The following LAMC3 variants were observed in gnomAD, a reference collection of about 807,000 sequenced individuals.
LAMC3 encodes laminin subunit gamma 3, also known as laminin subunit gamma-3.
A neutral mutation model predicts 173.8 loss-of-function variants in LAMC3; 128 were observed. That is an observed-to-expected ratio of 0.74 (90% CI 0.64 to 0.85). The LOEUF (loss-of-function observed/expected upper bound fraction) is 0.85. Among genes scored for constraint, LAMC3 ranks in the 40% least tolerant of loss-of-function variants. The probability of loss-of-function intolerance (pLI) is 0.00; values close to 1 mark genes in which losing one functional copy is unlikely to be tolerated. For synonymous variants in LAMC3, 897 were observed against 909.1 expected, an observed-to-expected ratio of 0.99 and a Z score of 0.24; for missense variants, 2,022 against 2,156.0, an observed-to-expected ratio of 0.94 and a Z score of 1.23.
At chr9:131,017,719 C>CAAAAAAA (rs34153382) in intron 1 of LAMC3, among the ~76,000 whole-genome samples, 1 of 35,064 alleles carries the variant, frequency 2.9e-5, no homozygotes, top group Non-Finnish European at 4.9e-5. Flanking sequence ...AAGACTGTCT[C>CAAAAAAA]AAAAAAAAAA....
At position 131,091,878 on chromosome 9, in the gene LAMC3, C is replaced by T. The variant is rs1830434221; in HGVS notation, c.*91C>T. On this transcript the variant is annotated 3_prime_UTR_variant, in exon 28 of 28. Transcript: ENST00000361069. ...TACCCCACAGGTGTGCCCATACAGACATTCCCCGGAGCCGGCTGCTGTGAA... is the reference window on the plus strand; with the variant it reads ...TACCCCACAGGTGTGCCCATACAGATATTCCCCGGAGCCGGCTGCTGTGAA... The T allele has an allele frequency of 6.7e-7, 1 of 1,500,584 alleles. No individual in the cohort carries two copies. The highest frequency in any genetic ancestry group is 9.1e-7 in the Non-Finnish European group (1 of 1,104,950). The allele number at this position is 1,500,584 out of a possible 1,614,324, so 93.0% of individuals were successfully genotyped here. A position where few individuals can be genotyped will look rare whatever the true frequency, so the allele number is the denominator to read the frequency against.
Position 131,092,164 on chromosome 9 carries a change from T to G in LAMC3, c.*377T>G. The G allele has an allele frequency of 3.5e-6, 1 of 283,744 alleles. No individual in the cohort carries two copies. Among genetic ancestry groups the G allele is most frequent in the Non-Finnish European group, 6.8e-6 (1 of 146,570 alleles). 17.6% of individuals were successfully genotyped at this position (283,744 alleles called of 1,614,324 possible). On this transcript the variant is annotated 3_prime_UTR_variant, in exon 28 of 28. Coordinates refer to ENST00000361069, the MANE Select transcript of LAMC3 (RefSeq NM_006059.4). Reference sequence around the variant, plus strand: ...CACACATTACAGTCCACAGCTGTTGTGAGAGCCACCTGTGTGCTGGACACC... The same window carrying G: ...CACACATTACAGTCCACAGCTGTTGGGAGAGCCACCTGTGTGCTGGACACC...
chr9:131,039,468 C>G (rs1274188928), intron 6 of LAMC3, among the ~76,000 whole-genome samples: 1 of 151,970 alleles, frequency 6.6e-6, no homozygotes, highest in African/African-American at 2.4e-5. Context: ...CTCAGCGGAT[C>G]TTGCAGGTGG....
At chr9:131,022,215 AACACACACACAC>A (rs56948132) in intron 1 of LAMC3, among the ~76,000 whole-genome samples, 1 of 144,662 alleles carries the variant, frequency 6.9e-6, no homozygotes, top group Admixed American at 6.9e-5. Flanking sequence ...TGTGGATGAA[AACACACACACAC>A]ACACACACAC....
intron 9 of LAMC3, among the ~76,000 whole-genome samples, chr9:131,050,654 G>C (rs969089616): frequency 5.3e-5 from 8 of 152,040 alleles, no homozygotes; most frequent in Admixed American, 3.3e-4. Context: ...TGTCATCCCA[G>C]CTACTCAGGA....
intron 12 of LAMC3, among the ~76,000 whole-genome samples, chr9:131,059,336 CA>C (rs1436035475): frequency 6.7e-6 from 1 of 148,434 alleles, no homozygotes; most frequent in East Asian, 2.0e-4. Context: ...ACTAAAAATA[CA>C]AAAAATTAGC....
intron 8 of LAMC3, among the ~76,000 whole-genome samples, chr9:131,046,975 C>T (rs888913040): frequency 6.6e-6 from 1 of 152,086 alleles, no homozygotes; most frequent in African/African-American, 2.4e-5. Flanking sequence ...TGTCTGGGTC[C>T]TGGGTCCGGG....
At chr9:131,050,936 C>T (rs1427390253) in intron 9 of LAMC3, among the ~76,000 whole-genome samples, 3 of 152,154 alleles carry the variant, frequency 2.0e-5, no homozygotes, top group East Asian at 1.9e-4. Flanking sequence ...GGGAGCATTG[C>T]GCTCGTGCTG....
At chr9:131,076,116 G>A (rs2133333407) in intron 21 of LAMC3, 151 bp downstream of exon 21, 3 of 813,004 alleles carry the variant, frequency 3.7e-6, no homozygotes, top group South Asian at 1.9e-5. Flanking sequence ...TCCTCGGAGT[G>A]GGGCCACAGG....
At position 131,039,155 on chromosome 9, in the gene LAMC3, A is replaced by G; in HGVS notation, c.1190A>G (p.Asp397Gly). 2.5e-6 allele frequency: 4 copies of G among 1,611,284 alleles called. No homozygotes were observed. The highest frequency in any genetic ancestry group is 3.4e-6 in the Non-Finnish European group (4 of 1,179,986). ...GGCTCCCTACACCTCCAGTGCGATGACACAGGCACCTGCGCCTGCAAGCCC... is the reference window on the plus strand; with the variant it reads ...GGCTCCCTACACCTCCAGTGCGATGGCACAGGCACCTGCGCCTGCAAGCCC... ...SAGSLHLQCD[D>G]TGTCACKPTV... The change falls in exon 6 of 28, where the codon GAC (aspartate) becomes GGC (glycine). Residue 397 changes from aspartate (D) to glycine (G), a missense_variant. By Grantham distance (94) the Asp-to-Gly change is moderately conservative (BLOSUM62 -1). Coordinates refer to ENST00000361069, the MANE Select transcript of LAMC3 (RefSeq NM_006059.4).
At chr9:131,064,169 A>G (rs904573458) in intron 13 of LAMC3, among the ~76,000 whole-genome samples, 1 of 152,056 alleles carries the variant, frequency 6.6e-6, no homozygotes, top group African/African-American at 2.4e-5. Flanking sequence ...CAGCCTCCCA[A>G]AGTGCTGTGA....
At chr9:131,013,506 C>A (rs1446225043) in intron 1 of LAMC3, among the ~76,000 whole-genome samples, 12 of 152,230 alleles carry the variant, frequency 7.9e-5, no homozygotes, top group Admixed American at 7.9e-4. Context: ...GGTCACCCAG[C>A]CTTGGCTCAC....
In LAMC3 at chr9:131,018,722, C is replaced by G. The variant is rs1249837189; in HGVS notation, c.374-7563C>G. On this transcript the variant is annotated intron_variant, in intron 1 of 27. Transcript: ENST00000361069. ...TCCCATGCACCCCTGCTCATCCCAC[C>G]CGCTTACTGGACCACATGCCCCAAA... is the stretch of plus-strand genomic sequence containing the variant. Among the ~76,000 whole-genome samples, 6 of 152,164 alleles carry G rather than the reference C, an allele frequency of 3.9e-5. No individual in the cohort carries two copies. In the South Asian group the frequency reaches 1.0e-3, roughly 26 times the overall value.
intron 7 of LAMC3, among the ~76,000 whole-genome samples, chr9:131,043,210 A>G (rs1834088460): frequency 6.6e-6 from 1 of 152,220 alleles, no homozygotes; most frequent in African/African-American, 2.4e-5. Flanking sequence ...GGGCTCTCCC[A>G]AGGCCAGGAA....
chr9:131,060,104 C>T (rs1396308282), intron 12 of LAMC3, among the ~76,000 whole-genome samples: 2 of 152,156 alleles, frequency 1.3e-5, no homozygotes, highest in East Asian at 1.9e-4. Flanking sequence ...CAGAATCCAC[C>T]GTCATCAGGA....
intron 2 of LAMC3, among the ~76,000 whole-genome samples, chr9:131,031,111 G>A: frequency 6.6e-6 from 1 of 152,278 alleles, no homozygotes; most frequent in Non-Finnish European, 1.5e-5. Flanking sequence ...AGCTCTCGGG[G>A]AGCAGGAGGG....
intron 13 of LAMC3, among the ~76,000 whole-genome samples, chr9:131,063,978 G>A (rs1196511534): frequency 6.6e-6 from 1 of 152,070 alleles, no homozygotes; most frequent in Non-Finnish European, 1.5e-5. Flanking sequence ...CATGATCTCA[G>A]CTCACTGCAA....
At chr9:131,059,936 GCTGGGGTGCTGCCTGGGGACCTC>G (rs1829775363) in intron 12 of LAMC3, among the ~76,000 whole-genome samples, 1 of 152,226 alleles carries the variant, frequency 6.6e-6, no homozygotes, top group African/African-American at 2.4e-5. Context: ...TGCCTTGGCT[GCTGGGGTGCTGCCTGGGGACCTC>G]CTGGAAGTGG....
chr9:131,081,435 T>TTCCCTCCC (rs147880294), intron 23 of LAMC3, among the ~76,000 whole-genome samples: 2 of 126,784 alleles, frequency 1.6e-5, no homozygotes, highest in African/African-American at 5.9e-5. Flanking sequence ...TAGAGCAGTG[T>TTCCCTCCC]TCCCTCCCTC....
Sources: allele counts gnomAD v4.1 joint callset (sites outside exome capture counted in the v4.1 genomes callset), GRCh38; gene constraint gnomAD v4.1.1; transcripts MANE v1.5; gene names NCBI Gene and HGNC (gene_info 2026-07-23, HGNC 2026-07-21).